The following SPOCK1 variants were observed in gnomAD, a reference collection of about 807,000 sequenced individuals.
SPOCK1 encodes testican-1.
In SPOCK1, 23 loss-of-function variants were observed where a neutral mutation model predicts 55.3. The ratio of observed to expected loss-of-function variants is 0.42; its 90% confidence interval spans 0.30 to 0.59. SPOCK1 has a LOEUF of 0.59. Ranked by LOEUF, SPOCK1 falls within the 20% of genes least tolerant of loss-of-function variation. The pLI is 0.22. For missense variants in SPOCK1, 499 were observed against 552.5 expected, an observed-to-expected ratio of 0.90 and a Z score of 0.97; for synonymous variants, 226 against 221.0, an observed-to-expected ratio of 1.02 and a Z score of -0.20.
At chr5:137,320,453 A>G (rs1226626884) in intron 2 of SPOCK1, among the ~76,000 whole-genome samples, 1 of 152,212 alleles carries the variant, frequency 6.6e-6, no homozygotes, top group African/African-American at 2.4e-5. Context: ...GGTGGAATGT[A>G]TATATTGTGT....
At chr5:137,397,087 C>T (rs1464503768) in intron 2 of SPOCK1, among the ~76,000 whole-genome samples, 1 of 152,198 alleles carries the variant, frequency 6.6e-6, no homozygotes, top group Non-Finnish European at 1.5e-5. Context: ...AGAACTGAGA[C>T]TTCCAGATTC....
intron 2 of SPOCK1, among the ~76,000 whole-genome samples, chr5:137,278,004 T>C (rs971420765): frequency 5.9e-5 from 9 of 152,196 alleles, no homozygotes; most frequent in African/African-American, 1.9e-4. Flanking sequence ...AGCACCATGC[T>C]GAGGATGTAG....
At chr5:137,439,532 C>T (rs745345917) in intron 2 of SPOCK1, among the ~76,000 whole-genome samples, 5 of 152,146 alleles carry the variant, frequency 3.3e-5, no homozygotes, top group Non-Finnish European at 7.3e-5. Context: ...GCAGTCAGGC[C>T]CCTAGACTTC....
chr5:137,103,104 C>A (rs1360700989), intron 5 of SPOCK1, among the ~76,000 whole-genome samples: 1 of 152,118 alleles, frequency 6.6e-6, no homozygotes, highest in African/African-American at 2.4e-5. Context: ...GATTCTCCTG[C>A]CTCAGCCTCC....
intron 2 of SPOCK1, among the ~76,000 whole-genome samples, chr5:137,275,303 C>T (rs1178440336): frequency 2.0e-5 from 3 of 152,226 alleles, no homozygotes; most frequent in Admixed American, 2.0e-4. Context: ...CCCACCATAG[C>T]TGGCAGGCCT....
intron 2 of SPOCK1, among the ~76,000 whole-genome samples, chr5:137,358,390 A>AAAGGAAGGACGGAAGGAAGGAAGG: frequency 8.6e-6 from 1 of 116,348 alleles, no homozygotes. Context: ...TTCATGACGG[A>AAAGGAAGGACGGAAGGAAGGAAGG]AAGGAAGGAA....
chr5:137,229,225 G>A (rs560925377), intron 3 of SPOCK1, among the ~76,000 whole-genome samples: 1 of 152,026 alleles, frequency 6.6e-6, no homozygotes, highest in Non-Finnish European at 1.5e-5. Context: ...AAGATAAAGG[G>A]GAGAAAAAAA....
In SPOCK1 at chr5:137,472,261, G is replaced by A. The variant is rs1221719200; in HGVS notation, c.186+26112C>T. Among the ~76,000 whole-genome samples, 3 of 151,994 alleles carry A rather than the reference G, an allele frequency of 2.0e-5. No homozygotes were observed. In the South Asian group the frequency reaches 6.2e-4, roughly 32 times the overall value. On this transcript the variant is annotated intron_variant, in intron 2 of 10. Coordinates refer to ENST00000394945, the MANE Select transcript of SPOCK1 (RefSeq NM_004598.4). Reference sequence around the variant, plus strand: ...AGAGACAGAGTTTCTGGTCAGACAGGAGCAATCCCCATCACACTATCTTCT... The same window carrying A: ...AGAGACAGAGTTTCTGGTCAGACAGAAGCAATCCCCATCACACTATCTTCT...
intron 9 of SPOCK1, 74 bp from the exon 10 acceptor site, chr5:136,979,543 G>C: frequency 1.3e-6 from 2 of 1,542,744 alleles, no homozygotes; most frequent in East Asian, 4.5e-5. Flanking sequence ...GTCAACACAG[G>C]GAAGAGGGCT....
chr5:137,476,405 T>C (rs1486902808), intron 2 of SPOCK1, among the ~76,000 whole-genome samples: 2 of 152,100 alleles, frequency 1.3e-5, no homozygotes, highest in Non-Finnish European at 2.9e-5. Context: ...ATAGGTACTA[T>C]GTACTAAAAA....
At chr5:137,414,586 G>A (rs941562303) in intron 2 of SPOCK1, among the ~76,000 whole-genome samples, 5 of 152,062 alleles carry the variant, frequency 3.3e-5, no homozygotes, top group Non-Finnish European at 7.4e-5. Flanking sequence ...TCACTTGCTG[G>A]GGGCGAAACA....
chr5:137,125,882 T>C (rs962916877), intron 4 of SPOCK1, among the ~76,000 whole-genome samples: 3 of 152,186 alleles, frequency 2.0e-5, no homozygotes, highest in African/African-American at 4.8e-5. Context: ...AAAGGATCTT[T>C]ATGGCTATTC....
intron 6 of SPOCK1, among the ~76,000 whole-genome samples, chr5:137,018,587 G>C (rs1258059723): frequency 6.6e-6 from 1 of 152,032 alleles, no homozygotes; most frequent in African/African-American, 2.4e-5. Flanking sequence ...GACTGATGAG[G>C]CAAATCACCC....
At chr5:137,378,359 A>G (rs1020811918) in intron 2 of SPOCK1, among the ~76,000 whole-genome samples, 3 of 152,242 alleles carry the variant, frequency 2.0e-5, no homozygotes, top group African/African-American at 7.2e-5. Flanking sequence ...CAGGTCTAGT[A>G]GGAGGTAAGA....
chr5:137,167,359 A>T (rs969317226), intron 3 of SPOCK1, among the ~76,000 whole-genome samples: 1 of 152,012 alleles, frequency 6.6e-6, no homozygotes, highest in African/African-American at 2.4e-5. Flanking sequence ...ACCCAATACA[A>T]TAATAGCTGG....
chr5:137,382,393 T>C (rs1162315817), intron 2 of SPOCK1, among the ~76,000 whole-genome samples: 1 of 152,250 alleles, frequency 6.6e-6, no homozygotes, highest in Non-Finnish European at 1.5e-5. Context: ...CATTTTCAGG[T>C]ATCTTTATAG....
At chr5:137,173,858 T>C (rs1754803002) in intron 3 of SPOCK1, among the ~76,000 whole-genome samples, 1 of 152,218 alleles carries the variant, frequency 6.6e-6, no homozygotes, top group Non-Finnish European at 1.5e-5. Flanking sequence ...GCACCATCCA[T>C]GCCTTAAACA....
At chr5:137,108,418 AG>A (rs1753406462) in intron 5 of SPOCK1, among the ~76,000 whole-genome samples, 1 of 152,244 alleles carries the variant, frequency 6.6e-6, no homozygotes, top group Non-Finnish European at 1.5e-5. Context: ...CACATAAGAC[AG>A]AAGACTAGCA....
At chr5:137,428,488 G>A (rs1158792574) in intron 2 of SPOCK1, among the ~76,000 whole-genome samples, 1 of 152,090 alleles carries the variant, frequency 6.6e-6, no homozygotes, top group African/African-American at 2.4e-5. Context: ...ATGGTTTGCT[G>A]GACCTCATGG....
Sources: allele counts gnomAD v4.1 joint callset (sites outside exome capture counted in the v4.1 genomes callset), GRCh38; gene constraint gnomAD v4.1.1; transcripts MANE v1.5; gene names NCBI Gene and HGNC (gene_info 2026-07-23, HGNC 2026-07-21).